The following DCLRE1B variants were observed in gnomAD, a reference collection of about 807,000 sequenced individuals.
The protein encoded by DCLRE1B is DNA cross-link repair 1B.
Under a neutral mutation model 19.8 loss-of-function variants are expected in DCLRE1B, and 6 were observed. The observed-to-expected ratio is 0.30, with a 90% CI of 0.17 to 0.60. The LOEUF is 0.60. Ranked by LOEUF, DCLRE1B falls within the 20% of genes least tolerant of loss-of-function variation. The probability of loss-of-function intolerance (pLI) is 0.87; values close to 1 mark genes in which losing one functional copy is unlikely to be tolerated. For synonymous variants in DCLRE1B, 258 were observed against 255.7 expected (o/e 1.01, Z -0.09); for missense variants, 622 against 654.2 (o/e 0.95, Z 0.54).
At chr1:113,908,278 A>G in intron 3 of DCLRE1B, 87 bp downstream of exon 3, 1 of 1,518,706 alleles carries the variant, frequency 6.6e-7, no homozygotes, top group Non-Finnish European at 8.9e-7. Context: ...ATCTTTGTGC[A>G]GTTCTCACTT....
In DCLRE1B at chr1:113,905,451, C is replaced by A; in HGVS notation, c.-136C>A. ...CCCACTCTGGTAACTTATTGCTCTG[C>A]TGGGCTCTTTCCCTTAGGGTCTCTG... On this transcript the variant is annotated 5_prime_UTR_variant, in exon 1 of 4. It adds an upstream start codon to the 5' untranslated region. Transcript: ENST00000650450. 3.5e-6 allele frequency: 3 copies of A among 855,162 alleles called. No homozygotes were observed. The highest frequency in any genetic ancestry group is 1.6e-5 in the South Asian group (1 of 61,298). 53.0% of individuals were successfully genotyped at this position (855,162 alleles called of 1,614,324 possible). A position where few individuals can be genotyped will look rare whatever the true frequency, so the allele number is the denominator to read the frequency against.
chr1:113,907,212 T>TTTTTTTTTG, intron 2 of DCLRE1B, 51 bp downstream of exon 2: 1 of 1,002,722 alleles, frequency 1.0e-6, no homozygotes, highest in Non-Finnish European at 1.3e-6. Context: ...ATGTTTTTTT[T>TTTTTTTTTG]TTTTTTTTTT....
At position 113,908,403 on chromosome 1, in the gene DCLRE1B, T is replaced by C. The variant is rs184253018; in HGVS notation, c.538+212T>C. 1.6e-4 allele frequency among the ~76,000 whole-genome samples: 25 copies of C among 152,326 alleles called. No individual in the cohort carries two copies. The East Asian group carries it at 4.6e-3, about 28-fold the overall frequency. On this transcript the variant is annotated intron_variant, in intron 3 of 3. Coordinates refer to ENST00000650450, the MANE Select transcript of DCLRE1B (RefSeq NM_022836.4). ...TGGGAGGGTCATTTGAGCCCAGGCG[T>C]TTGAGACCAGCTTGGGCAACATGGC...
Position 113,912,293 on chromosome 1 carries a change from C to G in DCLRE1B, c.*102C>G, listed in dbSNP as rs547372466. On this transcript the variant is annotated 3_prime_UTR_variant, in exon 4 of 4. Coordinates refer to ENST00000650450, the MANE Select transcript of DCLRE1B (RefSeq NM_022836.4). ...GAGTTTGTTTTTGGGGCCTACTTTT[C>G]TATCTTTACAAGACTCTTATGGGCC... 18 of 1,258,068 alleles carry G rather than the reference C, an allele frequency of 1.4e-5. No homozygotes were observed. In the South Asian group the frequency reaches 2.2e-4, roughly 16 times the overall value. 77.9% of individuals were successfully genotyped at this position (1,258,068 alleles called of 1,614,324 possible). A position where few individuals can be genotyped will look rare whatever the true frequency, so the allele number is the denominator to read the frequency against.
intron 3 of DCLRE1B, among the ~76,000 whole-genome samples, chr1:113,909,154 A>G (rs1669157008): frequency 6.6e-6 from 1 of 152,242 alleles, no homozygotes; most frequent in Admixed American, 6.5e-5. Flanking sequence ...GTGTATCACA[A>G]ATGCCTACAC....
intron 3 of DCLRE1B, among the ~76,000 whole-genome samples, chr1:113,908,842 A>T (rs1214739574): frequency 6.6e-6 from 1 of 152,128 alleles, no homozygotes; most frequent in Non-Finnish European, 1.5e-5. Context: ...CCTTAAGAGC[A>T]TCACTGGAAA....
At chr1:113,907,288 C>A in intron 2 of DCLRE1B, 127 bp downstream of exon 2, 2 of 860,972 alleles carry the variant, frequency 2.3e-6, no homozygotes, top group Non-Finnish European at 3.3e-6. Flanking sequence ...AAACTCCTGA[C>A]CTCAAGCAAT....
intron 3 of DCLRE1B, among the ~76,000 whole-genome samples, chr1:113,910,329 A>G (rs1009876467): frequency 4.6e-5 from 7 of 151,994 alleles, no homozygotes; most frequent in South Asian, 2.1e-4. Context: ...CCTCTCTGGT[A>G]TCATTTCTTA....
chr1:113,905,015 C>T (rs1222442729), upstream of DCLRE1B: 1 of 428,114 alleles, frequency 2.3e-6, no homozygotes, highest in Non-Finnish European at 4.4e-6. Flanking sequence ...GGATTTCCAG[C>T]GCCGCGTCCG....
chr1:113,907,890 T>C, intron 2 of DCLRE1B, 119 bp from the exon 3 acceptor site: 1 of 1,105,418 alleles, frequency 9.0e-7, no homozygotes. Context: ...AGTGCCAGGC[T>C]ACATAATAGT....
intron 3 of DCLRE1B, among the ~76,000 whole-genome samples, chr1:113,910,903 G>C (rs1429213183): frequency 1.3e-5 from 2 of 152,210 alleles, no homozygotes; most frequent in Non-Finnish European, 2.9e-5. Context: ...CATGGTGCCT[G>C]AAACTTGCTA....
chr1:113,913,540 C>T lies in DCLRE1B; in HGVS notation c.*1349C>T, dbSNP rs772765241. On this transcript the variant is annotated 3_prime_UTR_variant, in exon 4 of 4. Coordinates refer to ENST00000650450, the MANE Select transcript of DCLRE1B (RefSeq NM_022836.4). ...AGGAAACATGGGGACTGCCTAGGCT[C>T]GAATCTGTGGCACCCTGAGCAATTA... The T allele has an allele frequency of 3.3e-5, 5 of 152,652 alleles. No homozygotes were observed. Among genetic ancestry groups the T allele is most frequent in the South Asian group, 2.1e-4 (1 of 4,826 alleles). The allele number at this position is 152,652 out of a possible 1,614,324, so 9.5% of individuals were successfully genotyped here.
rs2101075991 is a variant in DCLRE1B, at chr1:113,912,061, C to T, written c.1469C>T (p.Thr490Ile). 2 of 1,614,236 alleles carry T rather than the reference C, an allele frequency of 1.2e-6. No individual in the cohort carries two copies. The highest frequency in any genetic ancestry group is 2.2e-5 in the East Asian group (1 of 44,884). The change falls in exon 4 of 4, where the codon ACC becomes ATC. Residue 490 changes from threonine (T) to isoleucine (I), a missense_variant. This residue lies in a region of DCLRE1B where 382 missense variants were observed against 412.5 expected (regional missense o/e 0.93). Coordinates refer to ENST00000650450, the MANE Select transcript of DCLRE1B (RefSeq NM_022836.4). ...GSPLSHSSKG[T>I]PLLATEFRGL... ...CCCCTGTCCCACAGCAGCAAGGGCA[C>T]CCCTCTTCTAGCTACTGAATTCAGG...
At position 113,905,617 on chromosome 1, in the gene DCLRE1B, A is replaced by G; in HGVS notation, c.31A>G (p.Ile11Val). Reference protein sequence around the residue: MNGVLIPHTPIAVDFWSLRRA... With the variant: MNGVLIPHTPVAVDFWSLRRA... ...TGGGGTCCTGATCCCCCATACGCCC[A>G]TCGCAGTGGACTTCTGGAGCCTGCG... Residue 11 changes from isoleucine (I) to valine (V), a missense_variant, in exon 1 of 4, where the codon ATC (isoleucine) becomes GTC (valine). Ile to Val is a conservative substitution (Grantham distance 29). Around this residue, in one of 3 missense-constraint regions of DCLRE1B, gnomAD observed 237 missense variants for 223.8 expected, o/e 1.06. Coordinates refer to ENST00000650450, the MANE Select transcript of DCLRE1B (RefSeq NM_022836.4). 3.1e-6 allele frequency: 5 copies of G among 1,614,124 alleles called. No individual in the cohort carries two copies. Among genetic ancestry groups the G allele is most frequent in the Non-Finnish European group, 4.2e-6 (5 of 1,180,016 alleles).
chr1:113,907,179 TC>T lies in DCLRE1B; in HGVS notation c.355+21del. On this transcript the variant is annotated intron_variant, in intron 2 of 3. Transcript: ENST00000650450. ...CTACACAGGTGGGCCTCTCAAGGAA[TC>T]CCAGTGACTTCTCCAGACTAGATGT... 8.2e-7 allele frequency: 1 copy of T among 1,218,758 alleles called. No individual in the cohort carries two copies. Among genetic ancestry groups the T allele is most frequent in the South Asian group, 1.2e-5 (1 of 80,768 alleles). The allele number at this position is 1,218,758 out of a possible 1,614,324, so 75.5% of individuals were successfully genotyped here.
Position 113,911,111 on chromosome 1 carries a change from A to G in DCLRE1B, c.539-20A>G, listed in dbSNP as rs1207933724. ...TTTCTTCCTTCTCTTACTTTCCCCA[A>G]TACATTGAACATTATTTAGGACTCT... is the stretch of plus-strand genomic sequence containing the variant. On this transcript the variant is annotated intron_variant, in intron 3 of 3. Transcript: ENST00000650450. 3.8e-6 allele frequency: 6 copies of G among 1,586,036 alleles called. No individual in the cohort carries two copies. The highest frequency in any genetic ancestry group is 3.4e-6 in the Non-Finnish European group (4 of 1,166,250).
intron 2 of DCLRE1B, 68 bp downstream of exon 2, chr1:113,907,229 T>G (rs1252031611): frequency 5.3e-6 from 6 of 1,122,580 alleles, no homozygotes; most frequent in East Asian, 3.8e-5. Context: ...TTTTTTTTTT[T>G]TTTTTAATGT....
chr1:113,904,868 G>T, upstream of DCLRE1B: 1 of 716,444 alleles, frequency 1.4e-6, no homozygotes, highest in Admixed American at 2.0e-5. Flanking sequence ...CCGTAGGGCC[G>T]GCACGCTGGC....
chr1:113,904,817 G>A, upstream of DCLRE1B: 2 of 1,050,090 alleles, frequency 1.9e-6, no homozygotes, highest in South Asian at 2.5e-5. Context: ...ATATGAGTCA[G>A]TGAAAATACA....
Sources: gnomAD v4.1 joint callset for allele counts (sites outside exome capture counted in the v4.1 genomes callset) on GRCh38, gnomAD v4.1.1 for gene constraint, gnomAD v4.1.1 regional missense constraint, MANE v1.5 for transcripts, NCBI Gene and HGNC (gene_info 2026-07-23, HGNC 2026-07-21) for gene names.